Variants in RPRD1A observed in about 807,000 individuals in gnomAD.
RPRD1A encodes the protein regulation of nuclear pre-mRNA domain-containing protein 1A.
A neutral mutation model predicts 37.8 loss-of-function variants in RPRD1A; 9 were observed. The observed-to-expected ratio is 0.24, with a 90% CI of 0.14 to 0.42. The LOEUF (loss-of-function observed/expected upper bound fraction) is 0.42. Among genes scored for constraint, RPRD1A ranks in the 10% least tolerant of loss-of-function variants. RPRD1A has a pLI of 1.00. For missense variants in RPRD1A, 255 were observed against 371.0 expected, an observed-to-expected ratio of 0.69 and a Z score of 2.57; for synonymous variants, 138 against 139.7, an observed-to-expected ratio of 0.99 and a Z score of 0.08.
rs1012757768 is a variant in RPRD1A, at chr18:36,055,515, A to C, written c.151+11739T>G. 2.0e-5 allele frequency among the ~76,000 whole-genome samples: 3 copies of C among 152,246 alleles called. No homozygotes were observed. The East Asian group carries it at 5.8e-4, about 29-fold the overall frequency. On this transcript the variant is annotated intron_variant, in intron 1 of 6. Coordinates refer to ENST00000399022, the MANE Select transcript of RPRD1A (RefSeq NM_018170.5). ...GATACTCTTTAGAGATTTTTTACAA[A>C]GCATCATGAAGTGACATCTGAAAAT... is the stretch of plus-strand genomic sequence containing the variant.
intron 6 of RPRD1A, among the ~76,000 whole-genome samples, chr18:36,019,194 A>C (rs1306812996): frequency 3.7e-5 from 5 of 135,866 alleles, no homozygotes; most frequent in Non-Finnish European, 6.1e-5. Context: ...TGCAAGCTCC[A>C]CCTCCCGGGT....
chr18:35,995,718 A>G (rs1909012589), intron 6 of RPRD1A, among the ~76,000 whole-genome samples: 1 of 152,116 alleles, frequency 6.6e-6, no homozygotes, highest in Non-Finnish European at 1.5e-5. Flanking sequence ...AGAGTACAGT[A>G]TGAAAAGGAG....
At chr18:36,022,755 A>G (rs1218033040) in intron 6 of RPRD1A, among the ~76,000 whole-genome samples, 1 of 152,200 alleles carries the variant, frequency 6.6e-6, no homozygotes, top group Non-Finnish European at 1.5e-5. Flanking sequence ...TTGACCCAAG[A>G]GTTCAAGACT....
chr18:36,048,024 A>AT (rs1422714614), intron 1 of RPRD1A, among the ~76,000 whole-genome samples: 1 of 150,714 alleles, frequency 6.6e-6, no homozygotes, highest in African/African-American at 2.4e-5. Flanking sequence ...AAGGAAAACT[A>AT]TAGACCAACC....
intron 6 of RPRD1A, among the ~76,000 whole-genome samples, chr18:36,008,832 T>C (rs1219980762): frequency 6.6e-6 from 1 of 151,896 alleles, no homozygotes; most frequent in Non-Finnish European, 1.5e-5. Flanking sequence ...TCCACTCTCC[T>C]CTCATTTCAC....
chr18:36,011,007 C>G (rs1348830935), intron 6 of RPRD1A, among the ~76,000 whole-genome samples: 5 of 152,192 alleles, frequency 3.3e-5, no homozygotes, highest in African/African-American at 1.2e-4. Flanking sequence ...AAAAATACTA[C>G]AGACATCTGA....
At position 36,051,217 on chromosome 18, in the gene RPRD1A, G is replaced by A. The variant is rs1284038923; in HGVS notation, c.151+16037C>T. On this transcript the variant is annotated intron_variant, in intron 1 of 6. Coordinates refer to ENST00000399022, the MANE Select transcript of RPRD1A (RefSeq NM_018170.5). ...ACCTATGCTTTTATATCATCAAGAC[G>A]TGCGTCAATATAGCAAGTAAGGACA... Among the ~76,000 whole-genome samples the A allele has an allele frequency of 1.2e-4, 18 of 152,178 alleles. No homozygotes were observed. In the South Asian group the frequency reaches 1.9e-3, roughly 16 times the overall value.
At chr18:36,004,875 C>CAACTTCAT (rs1464536950) in intron 6 of RPRD1A, among the ~76,000 whole-genome samples, 3 of 151,890 alleles carry the variant, frequency 2.0e-5, no homozygotes, top group Non-Finnish European at 1.5e-5. Flanking sequence ...TGCACTTCAG[C>CAACTTCAT]CTGGGCAACA....
At chr18:36,038,042 A>G (rs1568138283) in intron 1 of RPRD1A, among the ~76,000 whole-genome samples, 1 of 152,202 alleles carries the variant, frequency 6.6e-6, no homozygotes, top group East Asian at 1.9e-4. Flanking sequence ...TGGAACATAA[A>G]AGTTCGAAAA....
rs200132050 is a variant in RPRD1A, at chr18:36,057,810, T to C, written c.151+9444A>G. ...GCTCCTAGTAAATTCTACATATACT[T>C]CAAATCTTAAACCAAAGGACCCTTC... On this transcript the variant is annotated intron_variant, in intron 1 of 6. Transcript: ENST00000399022. Among the ~76,000 whole-genome samples, 5 of 152,292 alleles carry C rather than the reference T, an allele frequency of 3.3e-5. No individual in the cohort carries two copies. In the East Asian group the frequency reaches 9.7e-4, roughly 29 times the overall value.
At chr18:36,044,056 C>T (rs191158137) in intron 1 of RPRD1A, among the ~76,000 whole-genome samples, 10 of 152,196 alleles carry the variant, frequency 6.6e-5, no homozygotes, top group Admixed American at 5.2e-4. Context: ...TTAAGAAAAT[C>T]ATAGAAAGAA....
chr18:36,050,348 A>G (rs1040480317), intron 1 of RPRD1A, among the ~76,000 whole-genome samples: 2 of 151,992 alleles, frequency 1.3e-5, no homozygotes, highest in African/African-American at 4.8e-5. Flanking sequence ...GGATCCTCCA[A>G]CCTCAGAGTA....
intron 1 of RPRD1A, among the ~76,000 whole-genome samples, chr18:36,050,506 C>CT (rs2073831925): frequency 6.6e-6 from 1 of 151,760 alleles, no homozygotes; most frequent in African/African-American, 2.4e-5. Context: ...TTCTCAGAGA[C>CT]TAATAGCCAG....
intron 6 of RPRD1A, among the ~76,000 whole-genome samples, chr18:36,024,057 T>C (rs545127070): frequency 2.0e-5 from 3 of 152,364 alleles, no homozygotes; most frequent in Admixed American, 6.5e-5. Context: ...AACTTCATAA[T>C]GGTAAAATGA....
chr18:36,025,212 CTT>C (rs1322855975), intron 6 of RPRD1A: 1 of 154,370 alleles, frequency 6.5e-6, no homozygotes, highest in Non-Finnish European at 1.4e-5. Flanking sequence ...CTCACTAGCT[CTT>C]TGTGACCTTA....
intron 6 of RPRD1A, among the ~76,000 whole-genome samples, chr18:35,994,403 G>C (rs114177362): frequency 1.1e-3 from 160 of 152,306 alleles, no homozygotes; most frequent in African/African-American, 3.7e-3. Flanking sequence ...AGTAAGGATA[G>C]AGCAATGTCC....
At chr18:36,002,332 G>A (rs1228458431) in intron 6 of RPRD1A, among the ~76,000 whole-genome samples, 2 of 152,110 alleles carry the variant, frequency 1.3e-5, no homozygotes, top group Non-Finnish European at 2.9e-5. Context: ...ATTTCAGTTT[G>A]GGAAGTTTCT....
intron 6 of RPRD1A, among the ~76,000 whole-genome samples, chr18:35,998,185 CCT>C (rs763423024): frequency 3.9e-5 from 6 of 152,022 alleles, no homozygotes; most frequent in Admixed American, 6.6e-5. Flanking sequence ...ATGGTGAAAC[CCT>C]GTTTCTACTA....
Position 36,067,423 on chromosome 18 carries a change from A to C in RPRD1A, c.-19T>G. The C allele has an allele frequency of 6.3e-7, 1 of 1,598,146 alleles. No individual in the cohort carries two copies. The highest frequency in any genetic ancestry group is 8.5e-7 in the Non-Finnish European group (1 of 1,172,200). ...CTGACATCCCTCCGACACCACGTTC[A>C]CGCCGTCCCACGCGGTGGGGCCGAG... On this transcript the variant is annotated 5_prime_UTR_variant, in exon 1 of 7. Coordinates refer to ENST00000399022, the MANE Select transcript of RPRD1A (RefSeq NM_018170.5).
Sources: allele counts gnomAD v4.1 joint callset (sites outside exome capture counted in the v4.1 genomes callset), GRCh38; gene constraint gnomAD v4.1.1; transcripts MANE v1.5; gene names NCBI Gene and HGNC (gene_info 2026-07-23, HGNC 2026-07-21).